COL26A1: variants seen among roughly 807,000 people sequenced by gnomAD.
COL26A1 encodes collagen alpha-1(XXVI) chain.
A neutral mutation model predicts 59.3 loss-of-function variants in COL26A1; 41 were observed. That is an observed-to-expected ratio of 0.69 (90% CI 0.54 to 0.90). The LOEUF is 0.90. COL26A1 is among the 40% of genes least tolerant of loss of function. The pLI is 0.00. For synonymous variants in COL26A1, 266 were observed against 256.0 expected (o/e 1.04, Z -0.37); for missense variants, 612 against 602.3 (o/e 1.02, Z -0.17).
At chr7:101,520,622 G>A (rs1795119584) in intron 3 of COL26A1, among the ~76,000 whole-genome samples, 1 of 92,802 alleles carries the variant, frequency 1.1e-5, no homozygotes, top group African/African-American at 5.6e-5. Context: ...TGACAGACAA[G>A]CACAGACACA....
chr7:101,465,250 G>A (rs1793729207), intron 3 of COL26A1, among the ~76,000 whole-genome samples: 1 of 151,790 alleles, frequency 6.6e-6, no homozygotes, highest in Admixed American at 6.6e-5. Flanking sequence ...ATGTTGCTGA[G>A]GCTGCTCTCC....
At chr7:101,442,906 C>T (rs935134556) in intron 2 of COL26A1, among the ~76,000 whole-genome samples, 2 of 151,856 alleles carry the variant, frequency 1.3e-5, no homozygotes, top group African/African-American at 2.4e-5. Context: ...CGAGTGTGCA[C>T]ACGAGTGTGA....
chr7:101,501,448 C>G (rs926387320), intron 3 of COL26A1, among the ~76,000 whole-genome samples: 3 of 152,142 alleles, frequency 2.0e-5, no homozygotes, highest in African/African-American at 7.2e-5. Flanking sequence ...AGAGGTGAGA[C>G]TCCTTGAAGA....
chr7:101,547,782 T>C (rs1795770537), intron 8 of COL26A1, among the ~76,000 whole-genome samples: 1 of 145,412 alleles, frequency 6.9e-6, no homozygotes, highest in Non-Finnish European at 1.5e-5. Context: ...CATTCGTTCA[T>C]TCATTCATTC....
chr7:101,418,594 G>T (rs557836452), intron 1 of COL26A1, among the ~76,000 whole-genome samples: 15 of 151,642 alleles, frequency 9.9e-5, no homozygotes, highest in African/African-American at 3.6e-4. Context: ...TCAGCCTCTT[G>T]AGTGGCTAGG....
chr7:101,429,767 G>T (rs1306275484), intron 2 of COL26A1, among the ~76,000 whole-genome samples: 3 of 151,340 alleles, frequency 2.0e-5, no homozygotes, highest in Non-Finnish European at 4.4e-5. Flanking sequence ...TAATTAAAAA[G>T]AATTTTTTTT....
At position 101,489,116 on chromosome 7, in the gene COL26A1, G is replaced by A. The variant is rs143260496; in HGVS notation, c.385+41329G>A. On this transcript the variant is annotated intron_variant, in intron 3 of 12. Coordinates refer to ENST00000313669, the MANE Select transcript of COL26A1 (RefSeq NM_001278563.3). ...GCTTTGTTCCCTCTTTGATTAATGT[G>A]TTAAATAAAATCTTTGACACATGTT... Among the ~76,000 whole-genome samples, 364 of 152,206 alleles carry A rather than the reference G, an allele frequency of 2.4e-3. 1 individual carries two copies. The highest frequency in any genetic ancestry group is 8.4e-3 in the African/African-American group (350 of 41,542).
chr7:101,428,456 G>T (rs1322344636), intron 2 of COL26A1, among the ~76,000 whole-genome samples: 1 of 152,052 alleles, frequency 6.6e-6, no homozygotes, highest in Admixed American at 6.6e-5. Flanking sequence ...TATTCAGGGA[G>T]GAAAAGGAAG....
At chr7:101,436,634 G>A (rs983641905) in intron 2 of COL26A1, among the ~76,000 whole-genome samples, 4 of 152,040 alleles carry the variant, frequency 2.6e-5, no homozygotes, top group African/African-American at 9.7e-5. Flanking sequence ...ATCCACTTTG[G>A]AGACCAGAGA....
At chr7:101,460,031 G>A (rs771455709) in intron 3 of COL26A1, among the ~76,000 whole-genome samples, 18 of 152,302 alleles carry the variant, frequency 1.2e-4, no homozygotes, top group South Asian at 4.1e-4. Context: ...AGAGCTCATC[G>A]CTTTAGGAAA....
At chr7:101,428,138 G>C (rs1792690652) in intron 2 of COL26A1, among the ~76,000 whole-genome samples, 1 of 152,084 alleles carries the variant, frequency 6.6e-6, no homozygotes, top group Admixed American at 6.6e-5. Context: ...AAGCAACAGA[G>C]AGAAGCCCTC....
intron 4 of COL26A1, among the ~76,000 whole-genome samples, chr7:101,536,364 C>G (rs1259518971): frequency 6.6e-6 from 1 of 152,238 alleles, no homozygotes; most frequent in Non-Finnish European, 1.5e-5. Flanking sequence ...AGGCAGCGGC[C>G]TGGAGAGGGG....
intron 3 of COL26A1, among the ~76,000 whole-genome samples, chr7:101,514,583 A>G (rs1794990325): frequency 6.6e-6 from 1 of 152,100 alleles, no homozygotes; most frequent in African/African-American, 2.4e-5. Flanking sequence ...AGCTATGGCT[A>G]GCGAGGCAGT....
intron 1 of COL26A1, among the ~76,000 whole-genome samples, chr7:101,398,587 A>C (rs908459111): frequency 1.3e-5 from 2 of 152,304 alleles, no homozygotes; most frequent in Non-Finnish European, 2.9e-5. Context: ...AATAATGGCA[A>C]GAATCAATGT....
In COL26A1 at chr7:101,475,842, T is replaced by C. The variant is rs181982004; in HGVS notation, c.385+28055T>C. On this transcript the variant is annotated intron_variant, in intron 3 of 12. Transcript: ENST00000313669. ...TTTCTCTCTCTTTCTCTCTCTCTCT[T>C]TCTTTCTCTCTCTCTTTTTCTCTCT... is the stretch of plus-strand genomic sequence containing the variant. Among the ~76,000 whole-genome samples the C allele has an allele frequency of 2.4e-4, 35 of 148,050 alleles. 1 individual carries two copies. The highest frequency in any genetic ancestry group is 8.9e-4 in the African/African-American group (35 of 39,486).
At chr7:101,541,198 G>T (rs1795609814) in intron 5 of COL26A1, among the ~76,000 whole-genome samples, 1 of 152,146 alleles carries the variant, frequency 6.6e-6, no homozygotes, top group Non-Finnish European at 1.5e-5. Context: ...GCCTTGCTGG[G>T]TTCAATTTTG....
intron 2 of COL26A1, among the ~76,000 whole-genome samples, chr7:101,428,926 C>CTTT (rs530948608): frequency 4.9e-4 from 70 of 142,738 alleles, no homozygotes; most frequent in Non-Finnish European, 7.3e-4. Flanking sequence ...TTCTTTCTTT[C>CTTT]TTTTTTTTTT....
chr7:101,452,552 G>A (rs1793368564), intron 3 of COL26A1, among the ~76,000 whole-genome samples: 1 of 152,034 alleles, frequency 6.6e-6, no homozygotes, highest in Non-Finnish European at 1.5e-5. Context: ...TTGTCTTTAT[G>A]GGAACACCAA....
chr7:101,463,903 TTTTCTTTCTC>T lies in COL26A1; in HGVS notation c.385+16118_385+16127del, dbSNP rs1217887673. Among the ~76,000 whole-genome samples, 297 of 49,938 alleles carry T rather than the reference TTTTCTTTCTC, an allele frequency of 5.9e-3. 5 individuals are homozygous for T. Among genetic ancestry groups the T allele is most frequent in the African/African-American group, 0.02 (281 of 14,386 alleles). The allele number at this position is 49,938 out of a possible 152,430, so 32.8% of individuals were successfully genotyped here. On this transcript the variant is annotated intron_variant, in intron 3 of 12. Transcript: ENST00000313669. Reference sequence around the variant, plus strand: ...TTTCTTTCTTTCTTTCTTTCTTTCTTTTTCTTTCTCTCTTTCTTTCTTCTTTTATTCTTTC... The same window carrying T: ...TTTCTTTCTTTCTTTCTTTCTTTCTTTCTTTCTTTCTTCTTTTATTCTTTC...
Sources: allele counts gnomAD v4.1 joint callset (sites outside exome capture counted in the v4.1 genomes callset), GRCh38; gene constraint gnomAD v4.1.1; transcripts MANE v1.5; gene names NCBI Gene and HGNC (gene_info 2026-07-23, HGNC 2026-07-21).